The following ADAM19 variants were observed in gnomAD, a reference collection of about 807,000 sequenced individuals.
ADAM19 encodes disintegrin and metalloproteinase domain-containing protein 19.
Under a neutral mutation model 114.7 loss-of-function variants are expected in ADAM19, and 65 were observed. The ratio of observed to expected loss-of-function variants is 0.57; its 90% CI spans 0.46 to 0.70. The LOEUF is 0.70. Among genes scored for constraint, ADAM19 ranks in the 30% least tolerant of loss-of-function variants. The pLI is 0.00. For synonymous variants in ADAM19, 466 were observed against 460.5 expected, an observed-to-expected ratio of 1.01 and a Z score of -0.15; for missense variants, 1,063 against 1,204.7, an observed-to-expected ratio of 0.88 and a Z score of 1.74.
At chr5:157,507,568 C>G (rs1319488697) in intron 9 of ADAM19, among the ~76,000 whole-genome samples, 1 of 152,208 alleles carries the variant, frequency 6.6e-6, no homozygotes, top group African/African-American at 2.4e-5. Flanking sequence ...ATACCTTACC[C>G]CTGGCTCTGT....
chr5:157,547,722 C>G (rs1757086174), intron 3 of ADAM19, among the ~76,000 whole-genome samples: 1 of 152,158 alleles, frequency 6.6e-6, no homozygotes, highest in Non-Finnish European at 1.5e-5. Flanking sequence ...TTGAAACCAC[C>G]CTCTCCCTCA....
At chr5:157,560,264 C>CAAAAAAAAAA (rs35731498) in intron 3 of ADAM19, among the ~76,000 whole-genome samples, 8 of 51,708 alleles carry the variant, frequency 1.5e-4, no homozygotes, top group African/African-American at 4.4e-4. Context: ...GACTCCGTCT[C>CAAAAAAAAAA]AAAAAAAAAA....
rs367865457 is a variant in ADAM19, at chr5:157,479,801, C to T, written c.*1148G>A. Reference sequence around the variant, plus strand: ...GGTCTGTTCTCTGCTCAGAGGGCAACGGTCCAGCCCGAAGTCAATGACCAG... The same window carrying T: ...GGTCTGTTCTCTGCTCAGAGGGCAATGGTCCAGCCCGAAGTCAATGACCAG... On this transcript the variant is annotated 3_prime_UTR_variant, in exon 23 of 23. Transcript: ENST00000257527. The T allele has an allele frequency of 2.4e-5, 24 of 985,538 alleles. No individual in the cohort carries two copies. The East Asian group carries it at 5.7e-4, about 23-fold the overall frequency. 61.0% of individuals were successfully genotyped at this position (985,538 alleles called of 1,614,324 possible). A position where few individuals can be genotyped will look rare whatever the true frequency, so the allele number is the denominator to read the frequency against.
chr5:157,483,352 AAAT>A (rs1754822327), intron 21 of ADAM19, among the ~76,000 whole-genome samples: 1 of 152,164 alleles, frequency 6.6e-6, no homozygotes, highest in African/African-American at 2.4e-5. Context: ...AAGAAACTAT[AAAT>A]AAGCAAAATT....
intron 13 of ADAM19, 131 bp from the exon 14 acceptor site, chr5:157,497,220 A>G (rs1380084007): frequency 2.4e-6 from 2 of 820,896 alleles, no homozygotes; most frequent in Non-Finnish European, 3.5e-6. Flanking sequence ...CACTTTTTAC[A>G]TGACCTCATT....
At chr5:157,486,361 C>G (rs368459984) in intron 21 of ADAM19, among the ~76,000 whole-genome samples, 1 of 152,182 alleles carries the variant, frequency 6.6e-6, no homozygotes, top group Non-Finnish European at 1.5e-5. Context: ...TCCCACTGTT[C>G]GCTTGTAGAG....
At chr5:157,486,783 C>T (rs756430458) in intron 21 of ADAM19, among the ~76,000 whole-genome samples, 2 of 151,872 alleles carry the variant, frequency 1.3e-5, no homozygotes, top group South Asian at 2.1e-4. Flanking sequence ...CTGAACTGTG[C>T]ACTCATCATT....
chr5:157,501,197 T>C (rs566816317), intron 12 of ADAM19, among the ~76,000 whole-genome samples: 14 of 152,234 alleles, frequency 9.2e-5, no homozygotes, highest in African/African-American at 3.1e-4. Context: ...GCCTTCCTAA[T>C]GTACCATATT....
chr5:157,508,717 G>A (rs1159645569), intron 9 of ADAM19, among the ~76,000 whole-genome samples: 1 of 152,110 alleles, frequency 6.6e-6, no homozygotes, highest in Non-Finnish European at 1.5e-5. Context: ...TAATCACCCT[G>A]GGGCACTGTC....
chr5:157,488,350 C>T lies in ADAM19; in HGVS notation c.2465G>A (p.Gly822Glu). 6.2e-7 allele frequency: 1 copy of T among 1,614,188 alleles called. No homozygotes were observed. Among genetic ancestry groups the T allele is most frequent in the Non-Finnish European group, 8.5e-7 (1 of 1,180,044 alleles). ...SRAARNSPGP[G>E]SQIERTESSR... ...CGACTCCGTCCTCTCTATTTGAGAC[C>T]CGGGCCCTGGGGAGTTCCTAGCAGC... The change falls in exon 21 of 23, where the codon GGG (glycine) becomes GAG (glutamate). Residue 822 changes from glycine to glutamate, a missense_variant. Around this residue, in one of 3 missense-constraint regions of ADAM19, gnomAD observed 424 missense variants for 445.5 expected, o/e 0.95. Coordinates refer to ENST00000257527, the MANE Select transcript of ADAM19 (RefSeq NM_033274.5).
At chr5:157,574,996 G>C (rs906942858) in intron 1 of ADAM19, among the ~76,000 whole-genome samples, 1 of 152,216 alleles carries the variant, frequency 6.6e-6, no homozygotes, top group Admixed American at 6.5e-5. Flanking sequence ...TCTGTGAAAT[G>C]GGTGCGTTTG....
Position 157,478,897 on chromosome 5 carries a change from T to C in ADAM19, c.*2052A>G, listed in dbSNP as rs1754670290. 1.0e-6 allele frequency: 1 copy of C among 985,726 alleles called. No homozygotes were observed. The highest frequency in any genetic ancestry group is 1.1e-4 in the East Asian group (1 of 8,820). The allele number at this position is 985,726 out of a possible 1,614,324, so 61.1% of individuals were successfully genotyped here. A position where few individuals can be genotyped will look rare whatever the true frequency, so the allele number is the denominator to read the frequency against. On this transcript the variant is annotated 3_prime_UTR_variant, in exon 23 of 23. Coordinates refer to ENST00000257527, the MANE Select transcript of ADAM19 (RefSeq NM_033274.5). ...GTGGCGCTGTCATTTCAGAGCTATC[T>C]ACCTCCTGATGTGAGGGAGAAAGGC...
In ADAM19 at chr5:157,491,738, G is replaced by C. The variant is rs1182660696; in HGVS notation, c.1987-15C>G. ...TTGTTACAGACCTGGAGCAAAGAAA[G>C]GGCAGAGGCATCAGCACCCCAGAGA... On this transcript the variant is annotated splice_polypyrimidine_tract_variant and intron_variant, in intron 17 of 22. Coordinates refer to ENST00000257527, the MANE Select transcript of ADAM19 (RefSeq NM_033274.5). 6.2e-7 allele frequency: 1 copy of C among 1,603,926 alleles called. No individual in the cohort carries two copies. The highest frequency in any genetic ancestry group is 1.3e-5 in the African/African-American group (1 of 74,848).
chr5:157,512,209 T>G (rs1755943682), intron 8 of ADAM19, among the ~76,000 whole-genome samples: 1 of 152,216 alleles, frequency 6.6e-6, no homozygotes, highest in African/African-American at 2.4e-5. Context: ...GACTTTCACC[T>G]GTCACTGACC....
intron 7 of ADAM19, among the ~76,000 whole-genome samples, chr5:157,517,992 G>T (rs1255616342): frequency 6.6e-6 from 1 of 152,186 alleles, no homozygotes; most frequent in Non-Finnish European, 1.5e-5. Flanking sequence ...TTACACAAGG[G>T]TGCTGCTGAT....
At chr5:157,556,430 G>T (rs1046599191) in intron 3 of ADAM19, among the ~76,000 whole-genome samples, 1 of 151,944 alleles carries the variant, frequency 6.6e-6, no homozygotes, top group Non-Finnish European at 1.5e-5. Context: ...TGTTAGTCAG[G>T]CTGGTCTCGA....
chr5:157,490,332 A>T lies in ADAM19; in HGVS notation c.2218T>A (p.Ser740Thr). The change falls in exon 19 of 23, where the codon TCC (serine) becomes ACC (threonine). Residue 740 changes from serine to threonine, a missense_variant. Physicochemically the swap from Ser to Thr is moderately conservative, Grantham distance 58 (BLOSUM62 1). Around this residue, in one of 3 missense-constraint regions of ADAM19, gnomAD observed 424 missense variants for 445.5 expected, o/e 0.95. Coordinates refer to ENST00000257527, the MANE Select transcript of ADAM19 (RefSeq NM_033274.5). ...TACCTGAACTGTTGCCTCAGCTTGG[A>T]AGGGAGAGCTGAGGGCTTGAGTTGG... ...LGQLKPSALP[S>T]KLRQQFSCPF... 6.2e-7 allele frequency: 1 copy of T among 1,613,848 alleles called. No homozygotes were observed. The highest frequency in any genetic ancestry group is 8.5e-7 in the Non-Finnish European group (1 of 1,179,956).
intron 19 of ADAM19, 84 bp from the exon 20 acceptor site, chr5:157,489,270 G>C (rs914811950): frequency 2.0e-6 from 2 of 982,006 alleles, no homozygotes; most frequent in Admixed American, 3.9e-5. Flanking sequence ...ACCCAAGCAC[G>C]GCCAGCAAGC....
intron 3 of ADAM19, among the ~76,000 whole-genome samples, chr5:157,553,577 C>A (rs1561554552): frequency 6.6e-6 from 1 of 152,078 alleles, no homozygotes; most frequent in South Asian, 2.1e-4. Flanking sequence ...TACAACTTGT[C>A]AAAATTTAAA....
Sources: allele counts gnomAD v4.1 joint callset (sites outside exome capture counted in the v4.1 genomes callset), GRCh38; gene constraint gnomAD v4.1.1; regional missense constraint gnomAD v4.1.1; transcripts MANE v1.5; gene names NCBI Gene and HGNC (gene_info 2026-07-23, HGNC 2026-07-21).